SEC14L5: variants seen among roughly 807,000 people sequenced by gnomAD.
SEC14L5 encodes the protein SEC14 like lipid binding 5.
Under a neutral mutation model 84.6 loss-of-function variants are expected in SEC14L5, and 96 were observed. The observed-to-expected ratio is 1.13, with a 90% confidence interval of 0.96 to 1.34. The LOEUF is 1.34. Among genes scored for constraint, SEC14L5 ranks in the 40% most tolerant of loss-of-function variants. SEC14L5 has a pLI of 0.00. For missense variants in SEC14L5, 1,224 were observed against 942.5 expected (o/e 1.30, Z -3.91); for synonymous variants, 546 against 383.4 (o/e 1.42, Z -4.95).
In SEC14L5 at chr16:5,008,426, C is replaced by G. The variant is rs779247629; in HGVS notation, c.1578C>G (p.Ala526=). 1.2e-6 allele frequency: 2 copies of G among 1,609,226 alleles called. No homozygotes were observed. Among genetic ancestry groups the G allele is most frequent in the Non-Finnish European group, 1.7e-6 (2 of 1,176,808 alleles). The part of the protein sequence containing the change: ...SVLRGAPHEV[A]VEILEGESVI... ...CCTCGCCTGTCTCCACACAGGTGGCCGTGGAGATCCTGGAAGGAGAGTCGG... is the reference window on the plus strand; with the variant it reads ...CCTCGCCTGTCTCCACACAGGTGGCGGTGGAGATCCTGGAAGGAGAGTCGG... Residue 526 remains alanine, a synonymous_variant, in exon 14 of 16, where the codon GCC becomes GCG. Transcript: ENST00000251170.
chr16:4,996,506 C>A, intron 7 of SEC14L5, 46 bp downstream of exon 7: 3 of 1,013,890 alleles, frequency 3.0e-6, no homozygotes, highest in South Asian at 1.4e-5. Context: ...TGGGCAATGA[C>A]TGGTACTCAG....
chr16:5,007,520 C>A, intron 13 of SEC14L5, 34 bp downstream of exon 13: 1 of 1,604,410 alleles, frequency 6.2e-7, no homozygotes, highest in Non-Finnish European at 8.5e-7. Flanking sequence ...GCCCGCTGAG[C>A]TGGAGTGTCT....
At chr16:4,987,753 A>T in intron 3 of SEC14L5, 47 bp downstream of exon 3, 4 of 1,227,282 alleles carry the variant, frequency 3.3e-6, no homozygotes, top group Non-Finnish European at 4.2e-6. Context: ...CCTGTTGCGG[A>T]GGTGCGGGAG....
At chr16:5,013,491 A>G (rs997906448) in intron 15 of SEC14L5, among the ~76,000 whole-genome samples, 1 of 149,446 alleles carries the variant, frequency 6.7e-6, no homozygotes, top group African/African-American at 2.5e-5. Flanking sequence ...GGCTCAAGCA[A>G]TCCTCCAACC....
chr16:4,959,519 G>T (rs1955093156), intron 2 of SEC14L5, 133 bp downstream of exon 2: 1 of 769,622 alleles, frequency 1.3e-6, no homozygotes, highest in African/African-American at 1.7e-5. Context: ...CTGACCTGGT[G>T]GGTTTAACTT....
rs779427841 is a variant in SEC14L5 at position 5,007,378 on chromosome 16, C to T, written c.1464C>T (p.Val488=). Residue 488 remains valine (V), a synonymous_variant, in exon 13 of 16, where the codon GTC becomes GTT. Coordinates refer to ENST00000251170, the MANE Select transcript of SEC14L5 (RefSeq NM_014692.2). ...SVCNVPEGGL[V]PKSLYMTEEE... ...GTAATGTCCCCGAAGGAGGGCTGGTCCCCAAGTCCCTCTACATGACAGAAG... is the reference window on the plus strand; with the variant it reads ...GTAATGTCCCCGAAGGAGGGCTGGTTCCCAAGTCCCTCTACATGACAGAAG... 2.5e-6 allele frequency: 4 copies of T among 1,613,838 alleles called. No homozygotes were observed. Among genetic ancestry groups the T allele is most frequent in the South Asian group, 1.1e-5 (1 of 91,058 alleles).
At chr16:4,970,113 A>G (rs1232806387) in intron 2 of SEC14L5, among the ~76,000 whole-genome samples, 1 of 152,134 alleles carries the variant, frequency 6.6e-6, no homozygotes, top group African/African-American at 2.4e-5. Flanking sequence ...CACCTGGCCC[A>G]TCTGGTTCTT....
chr16:4,971,451 C>G (rs1053918537), intron 2 of SEC14L5, among the ~76,000 whole-genome samples: 1 of 152,146 alleles, frequency 6.6e-6, no homozygotes, highest in East Asian at 1.9e-4. Flanking sequence ...AAAGCAAGAC[C>G]TTGTCTCAAA....
At chr16:4,967,283 A>C (rs1425022516) in intron 2 of SEC14L5, among the ~76,000 whole-genome samples, 1 of 152,166 alleles carries the variant, frequency 6.6e-6, no homozygotes, top group Non-Finnish European at 1.5e-5. Context: ...TCCAGTCCTC[A>C]CATAATGACT....
intron 2 of SEC14L5, 90 bp from the exon 3 acceptor site, chr16:4,987,467 T>C (rs1955501164): frequency 2.1e-5 from 24 of 1,145,094 alleles, no homozygotes; most frequent in Non-Finnish European, 2.9e-5. Context: ...TCCCGTCTGA[T>C]AAGTGACACA....
chr16:4,984,470 C>T (rs1307227743), intron 2 of SEC14L5, among the ~76,000 whole-genome samples: 1 of 152,200 alleles, frequency 6.6e-6, no homozygotes, highest in African/African-American at 2.4e-5. Flanking sequence ...TCCACTTTGC[C>T]TATTACGAAT....
In SEC14L5 at chr16:5,006,045, T is replaced by A. The variant is rs971006901; in HGVS notation, c.1434T>A (p.Ser478Arg). Residue 478 changes from serine (S) to arginine (R), a missense_variant, in exon 12 of 16, where the codon AGT (serine) becomes AGA (arginine). Transcript: ENST00000251170. ...EVIPDFLGGE[S>R]VCNVPEGGLV... ...TCCCTGACTTCCTTGGGGGAGAGAG[T>A]GTGGTGAGGCTTCCATGTCCACAGA... The A allele has an allele frequency of 6.2e-7, 1 of 1,611,242 alleles. No homozygotes were observed. The highest frequency in any genetic ancestry group is 8.5e-7 in the Non-Finnish European group (1 of 1,179,004).
chr16:4,999,511 T>G (rs1182669102), intron 8 of SEC14L5, among the ~76,000 whole-genome samples: 1 of 151,844 alleles, frequency 6.6e-6, no homozygotes, highest in Non-Finnish European at 1.5e-5. Flanking sequence ...TCCCAGCTAC[T>G]TGGGAGGCTG....
chr16:4,962,463 G>A (rs773689665), intron 2 of SEC14L5, among the ~76,000 whole-genome samples: 98 of 151,996 alleles, frequency 6.4e-4, no homozygotes, highest in Admixed American at 1.4e-3. Context: ...TAAGGCGGGC[G>A]GACCACCTCA....
intron 10 of SEC14L5, among the ~76,000 whole-genome samples, chr16:5,001,550 C>T (rs1014010328): frequency 6.6e-6 from 1 of 152,110 alleles, no homozygotes; most frequent in African/African-American, 2.4e-5. Flanking sequence ...TGAGCCACCA[C>T]TCACAGCCTG....
chr16:4,981,062 G>C (rs1568118616), intron 2 of SEC14L5, among the ~76,000 whole-genome samples: 1 of 129,436 alleles, frequency 7.7e-6, no homozygotes, highest in Non-Finnish European at 1.6e-5. Flanking sequence ...CACAGGGCCC[G>C]AGGACCACCA....
intron 14 of SEC14L5, among the ~76,000 whole-genome samples, chr16:5,010,629 A>G (rs1275782702): frequency 6.6e-6 from 1 of 152,102 alleles, no homozygotes; most frequent in Non-Finnish European, 1.5e-5. Context: ...GGTCCCACTG[A>G]ACTTCTCAAC....
chr16:4,959,156 A>G (rs998375314), intron 1 of SEC14L5, 117 bp from the exon 2 acceptor site: 5 of 621,082 alleles, frequency 8.1e-6, no homozygotes, highest in Middle Eastern at 7.8e-4. Context: ...AGCCTTCTCA[A>G]TTTGAAGGCT....
chr16:4,959,521 G>T, intron 2 of SEC14L5, 135 bp downstream of exon 2: 2 of 754,850 alleles, frequency 2.6e-6, no homozygotes, highest in Middle Eastern at 2.3e-4. Flanking sequence ...GACCTGGTGG[G>T]TTTAACTTCT....
Sources: gnomAD v4.1 joint callset for allele counts (sites outside exome capture counted in the v4.1 genomes callset) on GRCh38, gnomAD v4.1.1 for gene constraint, MANE v1.5 for transcripts, NCBI Gene and HGNC (gene_info 2026-07-23, HGNC 2026-07-21) for gene names.